Variants in ATP2C2 observed in about 807,000 individuals in gnomAD.
ATP2C2 encodes calcium-transporting ATPase type 2C member 2.
In ATP2C2, 171 loss-of-function variants were observed where a neutral mutation model predicts 110.8. That is an observed-to-expected ratio of 1.54 (90% CI 1.36 to 1.75). The LOEUF is 1.75. ATP2C2 is among the 40% of genes most tolerant of loss of function. The pLI is 0.00. For synonymous variants in ATP2C2, 804 were observed against 508.4 expected, an observed-to-expected ratio of 1.58 and a Z score of -7.82; for missense variants, 1,963 against 1,235.0, an observed-to-expected ratio of 1.59 and a Z score of -8.84.
chr16:84,382,727 C>T (rs913784986), intron 1 of ATP2C2, among the ~76,000 whole-genome samples: 35 of 152,102 alleles, frequency 2.3e-4, no homozygotes, highest in African/African-American at 8.5e-4. Flanking sequence ...AACCCCGTCT[C>T]TACTAAAAAT....
At chr16:84,387,072 T>G (rs1239376407) in intron 1 of ATP2C2, among the ~76,000 whole-genome samples, 1 of 152,102 alleles carries the variant, frequency 6.6e-6, no homozygotes, top group Admixed American at 6.6e-5. Context: ...AGGGAAAAAC[T>G]GTTTGGCAGT....
intron 11 of ATP2C2, among the ~76,000 whole-genome samples, chr16:84,438,608 TAAGA>T (rs1444606039): frequency 6.6e-6 from 1 of 151,780 alleles, no homozygotes; most frequent in Non-Finnish European, 1.5e-5. Flanking sequence ...GTTGGAGGGG[TAAGA>T]AAGAAGTGAG....
chr16:84,461,722 A>G lies in ATP2C2; in HGVS notation c.2490A>G (p.Glu830=). 6.2e-7 allele frequency: 1 copy of G among 1,614,146 alleles called. No individual in the cohort carries two copies. Among genetic ancestry groups the G allele is most frequent in the South Asian group, 1.1e-5 (1 of 91,084 alleles). The stretch of plus-strand genomic sequence containing the variant: ...TTGTGCTCACCTTCCAGATGCCTGA[A>G]GACAGAGCAAGCACTCCCCGCACCA... ...TLFIFWKEMP[E]DRASTPRTTT... The change falls in exon 25 of 27, where the codon GAA becomes GAG. Residue 830 remains glutamate, a synonymous_variant. Coordinates refer to ENST00000262429, the MANE Select transcript of ATP2C2 (RefSeq NM_014861.4).
At chr16:84,408,980 A>T (rs541452031) in intron 4 of ATP2C2, among the ~76,000 whole-genome samples, 8 of 152,150 alleles carry the variant, frequency 5.3e-5, no homozygotes, top group African/African-American at 1.9e-4. Context: ...GTTCCAAAAC[A>T]TTTTCATCAC....
chr16:84,394,115 C>T (rs982396701), intron 1 of ATP2C2, among the ~76,000 whole-genome samples: 5 of 151,726 alleles, frequency 3.3e-5, no homozygotes, highest in African/African-American at 9.7e-5. Flanking sequence ...GCCTGGGAGG[C>T]GGAGGTTGCA....
At chr16:84,412,792 T>A (rs2150529816) in intron 6 of ATP2C2, among the ~76,000 whole-genome samples, 1 of 152,188 alleles carries the variant, frequency 6.6e-6, no homozygotes. Flanking sequence ...CTGCTCAAAG[T>A]GATAGAAGGT....
rs760339235 is a variant in ATP2C2, at chr16:84,454,847, C to T, written c.2010C>T (p.Ala670=). The part of the protein sequence containing the change: ...KALQESGAIV[A]MTGDGVNDAV... The stretch of plus-strand genomic sequence containing the variant: ...TGCAGGAGTCAGGGGCGATCGTGGC[C>T]ATGACTGGGGATGGGGTGAACGACG... The change falls in exon 21 of 27, where the codon GCC becomes GCT. Residue 670 remains alanine (A), a synonymous_variant. Transcript: ENST00000262429. 1.9e-6 allele frequency: 3 copies of T among 1,612,244 alleles called. No individual in the cohort carries two copies. The African/African-American group carries it at 4.0e-5, about 22-fold the overall frequency.
intron 26 of ATP2C2, chr16:84,462,350 A>AAGAGT: frequency 1.7e-6 from 1 of 584,640 alleles, no homozygotes; most frequent in South Asian, 2.5e-5. Flanking sequence ...CCTGTCACTC[A>AAGAGT]AGAGTAGTAG....
intron 17 of ATP2C2, among the ~76,000 whole-genome samples, chr16:84,450,344 G>C (rs559970335): frequency 6.6e-6 from 1 of 152,112 alleles, no homozygotes; most frequent in Non-Finnish European, 1.5e-5. Flanking sequence ...GACAGTGCCC[G>C]AGTGACTTAG....
At chr16:84,397,469 A>G (rs932368945) in intron 1 of ATP2C2, among the ~76,000 whole-genome samples, 1 of 151,386 alleles carries the variant, frequency 6.6e-6, no homozygotes, top group Non-Finnish European at 1.5e-5. Context: ...TCTGTAAAAT[A>G]AGTTCGCTCA....
In ATP2C2 at chr16:84,414,288, C is replaced by T. The variant is rs1567707000; in HGVS notation, c.516-1195C>T. On this transcript the variant is annotated intron_variant, in intron 6 of 26. Transcript: ENST00000262429. The stretch of plus-strand genomic sequence containing the variant: ...ATAGCCAGGGATCTGAGGTGGGAGC[C>T]GTGGGGTTAGTTAATTCAGGAGAGC... Among the ~76,000 whole-genome samples, 5 of 152,220 alleles carry T rather than the reference C, an allele frequency of 3.3e-5. No homozygotes were observed. In the South Asian group the frequency reaches 8.3e-4, roughly 25 times the overall value.
chr16:84,443,177 G>A (rs1365938009), intron 15 of ATP2C2, among the ~76,000 whole-genome samples: 1 of 152,090 alleles, frequency 6.6e-6, no homozygotes, highest in Admixed American at 6.5e-5. Context: ...GGCTGGGAAT[G>A]CAGGTGACAG....
intron 1 of ATP2C2, among the ~76,000 whole-genome samples, chr16:84,382,894 TAAAAAAA>T (rs1170344466): frequency 9.8e-5 from 9 of 91,758 alleles, no homozygotes; most frequent in East Asian, 6.0e-4. Flanking sequence ...AGACTCCATC[TAAAAAAA>T]AAAAAAAAAA....
At chr16:84,448,185 C>G (rs1432268952) in intron 16 of ATP2C2, among the ~76,000 whole-genome samples, 1 of 152,128 alleles carries the variant, frequency 6.6e-6, no homozygotes, top group Non-Finnish European at 1.5e-5. Flanking sequence ...GAAATATTCC[C>G]AGTTAATCAC....
chr16:84,397,552 G>C (rs976110476), intron 1 of ATP2C2, among the ~76,000 whole-genome samples: 9 of 148,908 alleles, frequency 6.0e-5, no homozygotes, highest in Middle Eastern at 3.4e-3. Flanking sequence ...GCATGCACCT[G>C]TGGTCCTGCT....
At chr16:84,425,968 A>G (rs898835721) in intron 11 of ATP2C2, 167 bp downstream of exon 11, 8 of 739,910 alleles carry the variant, frequency 1.1e-5, no homozygotes, top group Non-Finnish European at 1.8e-5. Flanking sequence ...CGACAGGTAC[A>G]GAGTGCCCGG....
chr16:84,422,881 T>C (rs1907478736), intron 9 of ATP2C2, among the ~76,000 whole-genome samples, 184 bp downstream of exon 9: 1 of 152,050 alleles, frequency 6.6e-6, no homozygotes, highest in South Asian at 2.1e-4. Flanking sequence ...CCCAGGCTGG[T>C]CTCAAACTCC....
intron 13 of ATP2C2, among the ~76,000 whole-genome samples, chr16:84,440,217 C>T (rs1909117783): frequency 6.6e-6 from 1 of 152,240 alleles, no homozygotes; most frequent in South Asian, 2.1e-4. Flanking sequence ...ACTGCAGCCT[C>T]TAACTTCTGG....
Position 84,415,744 on chromosome 16 carries a change from C to A in ATP2C2, c.624+153C>A, listed in dbSNP as rs546617761. Among the ~76,000 whole-genome samples the A allele has an allele frequency of 3.3e-5, 5 of 152,344 alleles. No homozygotes were observed. In the East Asian group the frequency reaches 9.6e-4, roughly 29 times the overall value. On this transcript the variant is annotated intron_variant, in intron 7 of 26. Transcript: ENST00000262429. ...ACACACAAGACAGGAAGTTAGCAGACAAGCGTGTTCTACGCATAGAGCCCC... is the reference window on the plus strand; with the variant it reads ...ACACACAAGACAGGAAGTTAGCAGAAAAGCGTGTTCTACGCATAGAGCCCC...
Sources: allele counts gnomAD v4.1 joint callset (sites outside exome capture counted in the v4.1 genomes callset), GRCh38; gene constraint gnomAD v4.1.1; transcripts MANE v1.5; gene names NCBI Gene and HGNC (gene_info 2026-07-23, HGNC 2026-07-21).